CCSER1: variants seen among roughly 807,000 people sequenced by gnomAD.
CCSER1 encodes serine-rich coiled-coil domain-containing protein 1.
CCSER1 carries 41 observed loss-of-function variants against 82.0 expected under a neutral mutation model. That is an observed-to-expected ratio of 0.50 (90% CI 0.39 to 0.65). The LOEUF (loss-of-function observed/expected upper bound fraction) is 0.65. CCSER1 is among the 30% of genes least tolerant of loss of function. CCSER1 has a pLI of 0.00. For missense variants in CCSER1, 1,119 were observed against 1,064.2 expected (o/e 1.05, Z -0.72); for synonymous variants, 414 against 383.9 (o/e 1.08, Z -0.92).
At chr4:90,996,918 A>T (rs893378732) in intron 9 of CCSER1, among the ~76,000 whole-genome samples, 1 of 152,048 alleles carries the variant, frequency 6.6e-6, no homozygotes, top group Non-Finnish European at 1.5e-5. Context: ...GGACATTTGG[A>T]TTACTTCTGG....
chr4:90,661,646 G>T (rs969751945), intron 6 of CCSER1, among the ~76,000 whole-genome samples: 1 of 152,172 alleles, frequency 6.6e-6, no homozygotes. Context: ...CCATGGTACA[G>T]ATTAGAGAAA....
At chr4:91,529,096 C>G (rs1002135639) in intron 10 of CCSER1, among the ~76,000 whole-genome samples, 6 of 152,032 alleles carry the variant, frequency 3.9e-5, no homozygotes, top group African/African-American at 1.4e-4. Context: ...AAATCATTCC[C>G]TTGAATGACC....
At chr4:90,325,744 T>G (rs1738061927) in intron 3 of CCSER1, 1 of 362,514 alleles carries the variant, frequency 2.8e-6, no homozygotes, top group South Asian at 2.0e-5. Context: ...TGAAGACGAT[T>G]TATTTTATAC....
intron 5 of CCSER1, among the ~76,000 whole-genome samples, chr4:90,507,372 C>T (rs1190758336): frequency 6.6e-6 from 1 of 150,736 alleles, no homozygotes; most frequent in Non-Finnish European, 1.5e-5. Context: ...TGATAGAGGA[C>T]TTTATACCGT....
intron 3 of CCSER1, among the ~76,000 whole-genome samples, chr4:90,394,421 GT>G (rs1405759459): frequency 5.3e-5 from 8 of 152,242 alleles, no homozygotes; most frequent in African/African-American, 1.9e-4. Flanking sequence ...TACATGAGTA[GT>G]CAGTATGGCT....
chr4:90,480,284 G>T (rs1256660680), intron 5 of CCSER1, among the ~76,000 whole-genome samples: 2 of 152,066 alleles, frequency 1.3e-5, no homozygotes. Flanking sequence ...TTAGCCCTTT[G>T]TCACATAAAT....
chr4:90,442,844 A>T (rs1303303785), intron 4 of CCSER1, among the ~76,000 whole-genome samples: 2 of 152,206 alleles, frequency 1.3e-5, no homozygotes, highest in Non-Finnish European at 2.9e-5. Context: ...GGAGAGGATT[A>T]TGCTGACAGA....
intron 5 of CCSER1, among the ~76,000 whole-genome samples, chr4:90,505,583 T>C (rs1383952884): frequency 1.3e-5 from 2 of 152,160 alleles, no homozygotes; most frequent in African/African-American, 4.8e-5. Context: ...TTTTTGATCA[T>C]GTGCTAAACA....
chr4:91,550,319 C>T (rs1394349956), intron 10 of CCSER1, among the ~76,000 whole-genome samples: 1 of 152,166 alleles, frequency 6.6e-6, no homozygotes, highest in Non-Finnish European at 1.5e-5. Context: ...ACACCATGCC[C>T]CATGACTGGT....
At chr4:90,306,373 TA>T (rs1253577874) in intron 1 of CCSER1, among the ~76,000 whole-genome samples, 1 of 152,146 alleles carries the variant, frequency 6.6e-6, no homozygotes, top group Non-Finnish European at 1.5e-5. Context: ...ATGATATGTA[TA>T]TGAGGTGATA....
At chr4:91,296,516 T>C (rs1379833886) in intron 10 of CCSER1, among the ~76,000 whole-genome samples, 2 of 139,400 alleles carry the variant, frequency 1.4e-5, no homozygotes, top group Non-Finnish European at 3.1e-5. Context: ...ATCTGTATAA[T>C]TATAGATATA....
intron 8 of CCSER1, among the ~76,000 whole-genome samples, chr4:90,841,126 C>A (rs1762515244): frequency 7.2e-6 from 1 of 138,982 alleles, no homozygotes; most frequent in Non-Finnish European, 1.6e-5. Context: ...AGATCAGTAT[C>A]TGAAAACCTC....
chr4:90,815,761 G>A lies in CCSER1; in HGVS notation c.2011-1G>A. The stretch of plus-strand genomic sequence containing the variant: ...ATGCTGTCTCTTTGATGTTTTTATA[G>A]GATATAATGAAAGATGAATGCTCGA... On this transcript the variant is annotated splice_acceptor_variant, in intron 7 of 10. Transcript: ENST00000509176. LOFTEE classifies it high-confidence loss of function. 6.5e-7 allele frequency: 1 copy of A among 1,549,248 alleles called. No individual in the cohort carries two copies. Among genetic ancestry groups the A allele is most frequent in the Non-Finnish European group, 8.7e-7 (1 of 1,145,300 alleles).
intron 4 of CCSER1, among the ~76,000 whole-genome samples, chr4:90,445,895 A>G (rs1173330983): frequency 1.3e-5 from 2 of 152,140 alleles, no homozygotes; most frequent in African/African-American, 4.8e-5. Context: ...CTAGCAACAC[A>G]TATTACTCAG....
intron 10 of CCSER1, among the ~76,000 whole-genome samples, chr4:91,355,007 T>C (rs376845638): frequency 6.5e-4 from 99 of 152,296 alleles, no homozygotes; most frequent in Middle Eastern, 3.4e-3. Context: ...CATATTTTTC[T>C]TTATTTTATT....
chr4:90,274,766 G>T (rs1036174367), intron 1 of CCSER1, among the ~76,000 whole-genome samples: 2 of 151,946 alleles, frequency 1.3e-5, no homozygotes, highest in African/African-American at 4.8e-5. Context: ...TTAATATTAT[G>T]CTTTATATTA....
intron 7 of CCSER1, chr4:90,780,423 A>G (rs764004926): frequency 6.2e-7 from 1 of 1,607,318 alleles, no homozygotes; most frequent in Non-Finnish European, 8.5e-7. Context: ...ACTGTTATTT[A>G]TTTTTATTGT....
intron 1 of CCSER1, among the ~76,000 whole-genome samples, chr4:90,291,816 A>G (rs762036834): frequency 5.3e-5 from 8 of 152,000 alleles, no homozygotes; most frequent in Admixed American, 1.3e-4. Context: ...GAATTTGTTA[A>G]TTATTGGTAT....
chr4:91,019,489 A>G (rs905904738), intron 9 of CCSER1, among the ~76,000 whole-genome samples: 4 of 152,184 alleles, frequency 2.6e-5, no homozygotes, highest in Non-Finnish European at 4.4e-5. Flanking sequence ...TATTGAGAGC[A>G]TAGTAAACAA....
Sources: allele counts gnomAD v4.1 joint callset (sites outside exome capture counted in the v4.1 genomes callset), GRCh38; gene constraint gnomAD v4.1.1; transcripts MANE v1.5; gene names NCBI Gene and HGNC (gene_info 2026-07-23, HGNC 2026-07-21).